AK9: variants seen among roughly 807,000 people sequenced by gnomAD.
AK9 encodes the protein adenylate kinase domain containing 1.
Under a neutral mutation model 239.6 loss-of-function variants are expected in AK9, and 191 were observed. That is an observed-to-expected ratio of 0.80 (90% CI 0.71 to 0.90). AK9 has a LOEUF of 0.90. AK9 is among the 40% of genes least tolerant of loss of function. The pLI is 0.00. For missense variants in AK9, 1,995 were observed against 2,214.7 expected (o/e 0.90, Z 1.99); for synonymous variants, 689 against 721.0 (o/e 0.96, Z 0.71).
At chr6:109,529,521 G>C (rs192077744) in intron 28 of AK9, among the ~76,000 whole-genome samples, 2 of 152,142 alleles carry the variant, frequency 1.3e-5, no homozygotes, top group Non-Finnish European at 2.9e-5. Context: ...CGAAGATGGG[G>C]ATTGTTTTGG....
intron 32 of AK9, 85 bp from the exon 33 acceptor site, chr6:109,509,465 G>A: frequency 8.3e-7 from 1 of 1,200,884 alleles, no homozygotes. Flanking sequence ...GGTATATTGT[G>A]TGATGCTCAG....
chr6:109,565,102 T>C (rs1352546795), intron 21 of AK9, among the ~76,000 whole-genome samples: 2 of 152,214 alleles, frequency 1.3e-5, no homozygotes, highest in Non-Finnish European at 2.9e-5. Flanking sequence ...TTCTGGCTGA[T>C]AATTTGTTAA....
intron 1 of AK9, among the ~76,000 whole-genome samples, chr6:109,678,210 C>T (rs894152277): frequency 1.3e-5 from 2 of 152,110 alleles, no homozygotes; most frequent in Non-Finnish European, 2.9e-5. Flanking sequence ...TACATCCATA[C>T]CATGGAATAT....
chr6:109,516,243 T>C (rs533902793), intron 30 of AK9, among the ~76,000 whole-genome samples, 168 bp from the exon 31 acceptor site: 67 of 152,224 alleles, frequency 4.4e-4, no homozygotes, highest in Admixed American at 9.8e-4. Context: ...TCTGACCCTC[T>C]GTGGCTTCCA....
rs192902118 is a variant in AK9, at chr6:109,494,057, C to A, written c.5457G>T (p.Ala1819=). ...AGGGGAACTTGGGCTTTAAGCATCC[C>A]GCTGCATTCATTGCTTTAATTAGAG... ...ATSLIKAMNA[A]GCLKPKFPFL... Residue 1819 remains alanine (A), a synonymous_variant, in exon 40 of 41, where the codon GCG becomes GCT. Transcript: ENST00000424296. The A allele has an allele frequency of 4.3e-6, 7 of 1,613,470 alleles. No homozygotes were observed. Among genetic ancestry groups the A allele is most frequent in the Non-Finnish European group, 5.9e-6 (7 of 1,179,534 alleles).
intron 8 of AK9, among the ~76,000 whole-genome samples, chr6:109,646,278 G>T (rs573986378): frequency 1.3e-5 from 2 of 152,012 alleles, no homozygotes; most frequent in African/African-American, 2.4e-5. Context: ...TCAGAAGGTC[G>T]GTAATAACAA....
At chr6:109,639,941 C>G (rs1422346182) in intron 10 of AK9, among the ~76,000 whole-genome samples, 1 of 152,180 alleles carries the variant, frequency 6.6e-6, no homozygotes, top group East Asian at 1.9e-4. Flanking sequence ...TTAGGTTTGT[C>G]AAAGATCAGA....
chr6:109,585,130 CTT>C lies in AK9; in HGVS notation c.2105_2106del (p.Glu702GlyfsTer31). 9.4e-7 allele frequency: 1 copy of C among 1,068,922 alleles called. No individual in the cohort carries two copies. The highest frequency in any genetic ancestry group is 1.2e-6 in the Non-Finnish European group (1 of 867,090). The allele number at this position is 1,068,922 out of a possible 1,614,324, so 66.2% of individuals were successfully genotyped here. On this transcript the variant is annotated frameshift_variant, in exon 19 of 41. Transcript: ENST00000424296. LOFTEE classifies it high-confidence loss of function. ...EELQKKKKEE[E>X]EARKATEEEL... ...ATTCTAGGCAGATTTTACCTTGCTT[CTT>C]CTTCTTCTTTTTTTTTCTTTTGTAG... is the stretch of plus-strand genomic sequence containing the variant.
At chr6:109,628,429 T>C (rs1795778829) in intron 12 of AK9, among the ~76,000 whole-genome samples, 1 of 152,182 alleles carries the variant, frequency 6.6e-6, no homozygotes, top group African/African-American at 2.4e-5. Flanking sequence ...ATGCTCTGCT[T>C]GTCCTGTCAG....
At chr6:109,512,714 A>AC (rs1293272906) in intron 32 of AK9, among the ~76,000 whole-genome samples, 1 of 145,718 alleles carries the variant, frequency 6.9e-6, no homozygotes, top group African/African-American at 2.5e-5. Flanking sequence ...CATTGTGACC[A>AC]CCCACTGTTC....
At position 109,546,124 on chromosome 6, in the gene AK9, G is replaced by A. The variant is rs377528662; in HGVS notation, c.2968C>T (p.Pro990Ser). ...CCGACAAGGCATATTCTTAATGGAG[G>A]AGCCTGTCACAGGGGGTGGGTCAGG... ...YVAHEEPLKA[P>S]PLRICLVGPQ... The change falls in exon 26 of 41, where the codon CCT (proline) becomes TCT (serine). Residue 990 changes from proline to serine, a missense_variant. Physicochemically the swap from Pro to Ser is moderately conservative, Grantham distance 74. Around this residue, in one of 5 missense-constraint regions of AK9, gnomAD observed 1,290 missense variants for 1,392.7 expected, o/e 0.93. Coordinates refer to ENST00000424296, the MANE Select transcript of AK9 (RefSeq NM_001145128.3). 5 of 1,322,464 alleles carry A rather than the reference G, an allele frequency of 3.8e-6. No homozygotes were observed. The highest frequency in any genetic ancestry group is 2.0e-5 in the Admixed American group (1 of 50,640). 81.9% of individuals were successfully genotyped at this position (1,322,464 alleles called of 1,614,324 possible).
intron 10 of AK9, among the ~76,000 whole-genome samples, chr6:109,639,595 G>C (rs1797145667): frequency 6.6e-6 from 1 of 151,440 alleles, no homozygotes; most frequent in Admixed American, 6.6e-5. Flanking sequence ...CCATTCTGTA[G>C]GTTGCCTGTT....
At chr6:109,620,130 T>A (rs779853080) in intron 12 of AK9, among the ~76,000 whole-genome samples, 84 of 152,140 alleles carry the variant, frequency 5.5e-4, no homozygotes, top group Admixed American at 1.9e-3. Flanking sequence ...TGTACAGAAG[T>A]CTTTTTGTGG....
intron 8 of AK9, among the ~76,000 whole-genome samples, chr6:109,644,957 C>A (rs555202644): frequency 2.0e-5 from 3 of 152,228 alleles, no homozygotes; most frequent in African/African-American, 7.2e-5. Flanking sequence ...TGTTTTGGGG[C>A]ATCTATCTGC....
chr6:109,685,183 G>T (rs1468467290), intron 1 of AK9, among the ~76,000 whole-genome samples: 1 of 152,106 alleles, frequency 6.6e-6, no homozygotes, highest in Non-Finnish European at 1.5e-5. Context: ...ATTCCTCAAG[G>T]ATCTAGAACC....
At chr6:109,596,984 C>A (rs1281979599) in intron 17 of AK9, among the ~76,000 whole-genome samples, 8 of 152,030 alleles carry the variant, frequency 5.3e-5, no homozygotes, top group Non-Finnish European at 1.0e-4. Flanking sequence ...TGTTTAATCA[C>A]CCCTTACTGT....
At chr6:109,691,119 T>C (rs1774335606) in intron 1 of AK9, 28 bp downstream of exon 1, 2 of 509,594 alleles carry the variant, frequency 3.9e-6, no homozygotes, top group Non-Finnish European at 7.1e-6. Context: ...CGACTTTTTC[T>C]CCGCCCATGT....
At chr6:109,544,493 G>C (rs1300423220) in intron 26 of AK9, among the ~76,000 whole-genome samples, 1 of 152,120 alleles carries the variant, frequency 6.6e-6, no homozygotes, top group Non-Finnish European at 1.5e-5. Context: ...TGACGGTAGT[G>C]AGTGAGTGCT....
chr6:109,552,455 A>G (rs1784483470), intron 24 of AK9, among the ~76,000 whole-genome samples: 1 of 152,212 alleles, frequency 6.6e-6, no homozygotes, highest in Non-Finnish European at 1.5e-5. Context: ...TCTGATGATC[A>G]GTGATGTTGA....
Sources: allele counts gnomAD v4.1 joint callset (sites outside exome capture counted in the v4.1 genomes callset), GRCh38; gene constraint gnomAD v4.1.1; regional missense constraint gnomAD v4.1.1; transcripts MANE v1.5; gene names NCBI Gene and HGNC (gene_info 2026-07-23, HGNC 2026-07-21).